Variants in SLC35F1 observed in about 807,000 individuals in gnomAD.
The protein encoded by SLC35F1 is chromosome 6 open reading frame 169.
In SLC35F1, 14 loss-of-function variants were observed where a neutral mutation model predicts 48.7. The observed-to-expected ratio is 0.29, with a 90% CI of 0.19 to 0.45. The LOEUF is 0.45. Among genes scored for constraint, SLC35F1 ranks in the 20% least tolerant of loss-of-function variants. SLC35F1 has a pLI of 1.00. For missense variants in SLC35F1, 404 were observed against 500.0 expected (o/e 0.81, Z 1.83); for synonymous variants, 190 against 202.2 (o/e 0.94, Z 0.51).
At chr6:118,227,615 A>G (rs894327384) in intron 2 of SLC35F1, among the ~76,000 whole-genome samples, 8 of 152,194 alleles carry the variant, frequency 5.3e-5, no homozygotes, top group African/African-American at 1.9e-4. Context: ...TTCCAAATCC[A>G]TATTAGGCAT....
chr6:118,072,349 G>A (rs886961171), intron 1 of SLC35F1, among the ~76,000 whole-genome samples: 14 of 152,224 alleles, frequency 9.2e-5, no homozygotes, highest in African/African-American at 2.4e-4. Context: ...TGGATCATGA[G>A]GTCAGGAGAT....
intron 1 of SLC35F1, among the ~76,000 whole-genome samples, chr6:118,053,311 G>T (rs1312315928): frequency 6.6e-6 from 1 of 152,062 alleles, no homozygotes; most frequent in Non-Finnish European, 1.5e-5. Flanking sequence ...AAAAATGAGG[G>T]TATGTGATAA....
chr6:118,313,969 T>G, intron 7 of SLC35F1, 59 bp from the exon 8 acceptor site: 1 of 1,505,604 alleles, frequency 6.6e-7, no homozygotes, highest in Non-Finnish European at 9.2e-7. Flanking sequence ...GTGTGCCTCA[T>G]TAATGTGTCA....
chr6:118,232,308 T>G (rs1026843272), intron 2 of SLC35F1, among the ~76,000 whole-genome samples: 4 of 152,010 alleles, frequency 2.6e-5, no homozygotes, highest in African/African-American at 9.7e-5. Context: ...TCCCAGCACT[T>G]TGGGAGGATG....
intron 1 of SLC35F1, among the ~76,000 whole-genome samples, chr6:118,020,593 A>G (rs548402183): frequency 9.2e-5 from 14 of 152,350 alleles, no homozygotes; most frequent in Admixed American, 7.2e-4. Context: ...CTTGATCTGG[A>G]TGAGAGACTT....
intron 2 of SLC35F1, among the ~76,000 whole-genome samples, chr6:118,228,140 T>C (rs1332758166): frequency 2.0e-5 from 3 of 152,184 alleles, no homozygotes; most frequent in Non-Finnish European, 4.4e-5. Flanking sequence ...GATCTAATAA[T>C]AAAAATAAAT....
At chr6:118,056,940 C>T (rs570692133) in intron 1 of SLC35F1, among the ~76,000 whole-genome samples, 266 of 148,298 alleles carry the variant, frequency 1.8e-3, no homozygotes, top group African/African-American at 6.3e-3. Context: ...AGTAGGAAAA[C>T]TTTTTTTTTT....
intron 1 of SLC35F1, among the ~76,000 whole-genome samples, chr6:118,153,508 A>G (rs1467027794): frequency 6.6e-6 from 1 of 152,228 alleles, no homozygotes; most frequent in African/African-American, 2.4e-5. Flanking sequence ...TTCTATAAAT[A>G]AACCAGACAA....
In SLC35F1 at chr6:117,954,919, T is replaced by C. The variant is rs552585441; in HGVS notation, c.173+47020T>C. ...ATGCTCAGTATAAAATTTGGAATGT[T>C]AAGCATATTCTCTTGTAATTCTTTG... is the stretch of plus-strand genomic sequence containing the variant. On this transcript the variant is annotated intron_variant, in intron 1 of 7. Transcript: ENST00000360388. Among the ~76,000 whole-genome samples the C allele has an allele frequency of 3.3e-5, 5 of 152,352 alleles. No homozygotes were observed. In the East Asian group the frequency reaches 9.6e-4, roughly 29 times the overall value.
At chr6:117,978,427 T>G (rs1286508160) in intron 1 of SLC35F1, among the ~76,000 whole-genome samples, 5 of 152,194 alleles carry the variant, frequency 3.3e-5, no homozygotes, top group African/African-American at 1.2e-4. Context: ...GTCGTTCCCT[T>G]TTTTGTGGAC....
intron 1 of SLC35F1, among the ~76,000 whole-genome samples, chr6:118,144,692 A>T (rs1177762275): frequency 4.0e-5 from 6 of 151,896 alleles, no homozygotes; most frequent in African/African-American, 7.2e-5. Flanking sequence ...ATCCCCTAGT[A>T]TTACGGAAGA....
intron 3 of SLC35F1, among the ~76,000 whole-genome samples, chr6:118,262,083 G>A (rs907843331): frequency 1.3e-5 from 2 of 152,182 alleles, no homozygotes; most frequent in African/African-American, 4.8e-5. Flanking sequence ...AGATCTCACA[G>A]ACACTCAGAA....
chr6:118,145,014 G>A, intron 1 of SLC35F1, among the ~76,000 whole-genome samples: 1 of 151,856 alleles, frequency 6.6e-6, no homozygotes, highest in South Asian at 2.1e-4. Flanking sequence ...ACAATTCAAT[G>A]GTTTTTAGTA....
chr6:118,299,916 C>T (rs1367947639), intron 7 of SLC35F1, among the ~76,000 whole-genome samples: 2 of 152,138 alleles, frequency 1.3e-5, no homozygotes, highest in Non-Finnish European at 2.9e-5. Flanking sequence ...ATAGTTTTCC[C>T]ACCAAAGGGG....
At chr6:118,224,032 G>A (rs1775184521) in intron 2 of SLC35F1, among the ~76,000 whole-genome samples, 1 of 152,176 alleles carries the variant, frequency 6.6e-6, no homozygotes, top group Admixed American at 6.5e-5. Flanking sequence ...CTTCCAAAAG[G>A]CAAATAGGGT....
intron 1 of SLC35F1, among the ~76,000 whole-genome samples, chr6:118,125,420 T>A (rs1206955760): frequency 1.3e-5 from 2 of 151,848 alleles, no homozygotes; most frequent in Non-Finnish European, 2.9e-5. Flanking sequence ...GGTTGACATG[T>A]GATATGTAGT....
chr6:118,003,437 C>T (rs531462146), intron 1 of SLC35F1, among the ~76,000 whole-genome samples: 6 of 152,268 alleles, frequency 3.9e-5, no homozygotes, highest in African/African-American at 7.2e-5. Context: ...GGCAACCTGC[C>T]GGCTGTGGTC....
intron 2 of SLC35F1, among the ~76,000 whole-genome samples, chr6:118,171,428 A>G (rs921144185): frequency 7.9e-5 from 12 of 152,198 alleles, no homozygotes; most frequent in Admixed American, 7.9e-4. Flanking sequence ...TATTCCATCC[A>G]TTTTTATAGA....
At chr6:118,275,275 C>T (rs80037723) in intron 4 of SLC35F1, among the ~76,000 whole-genome samples, 184 bp from the exon 5 acceptor site, 6,073 of 152,214 alleles carry the variant, frequency 0.04, 420 homozygotes, top group African/African-American at 0.14. Flanking sequence ...CATAGGCAAA[C>T]TTTTTATATC....
Sources: allele counts gnomAD v4.1 joint callset (sites outside exome capture counted in the v4.1 genomes callset), GRCh38; gene constraint gnomAD v4.1.1; transcripts MANE v1.5; gene names NCBI Gene and HGNC (gene_info 2026-07-23, HGNC 2026-07-21).